Variants in PKHD1L1 observed in about 807,000 individuals in gnomAD.
PKHD1L1 encodes fibrocystin-L.
Under a neutral mutation model 462.9 loss-of-function variants are expected in PKHD1L1, and 434 were observed. The ratio of observed to expected loss-of-function variants is 0.94; its 90% CI spans 0.87 to 1.02. PKHD1L1 has a LOEUF of 1.02. Among genes scored for constraint, PKHD1L1 ranks in the 50% least tolerant of loss-of-function variants. The pLI is 0.00. For synonymous variants in PKHD1L1, 1,781 were observed against 1,750.0 expected, an observed-to-expected ratio of 1.02 and a Z score of -0.44; for missense variants, 5,202 against 5,096.1, an observed-to-expected ratio of 1.02 and a Z score of -0.63.
intron 50 of PKHD1L1, among the ~76,000 whole-genome samples, chr8:109,468,852 G>A (rs944922879): frequency 1.3e-5 from 2 of 152,158 alleles, no homozygotes; most frequent in African/African-American, 4.8e-5. Flanking sequence ...CAGTGGTGGG[G>A]CTTTTGGTCT....
At chr8:109,511,354 C>T (rs1360288403) in intron 71 of PKHD1L1, among the ~76,000 whole-genome samples, 1 of 117,478 alleles carries the variant, frequency 8.5e-6, no homozygotes, top group Non-Finnish European at 1.7e-5. Flanking sequence ...CTCCCCCCAC[C>T]CCACAACAGT....
At chr8:109,491,691 G>C (rs1259466436) in intron 61 of PKHD1L1, among the ~76,000 whole-genome samples, 182 bp from the exon 62 acceptor site, 2 of 151,846 alleles carry the variant, frequency 1.3e-5, no homozygotes, top group African/African-American at 4.8e-5. Context: ...GTCTATTAAA[G>C]AGGTAGAGTT....
At position 109,443,763 on chromosome 8, in the gene PKHD1L1, A is replaced by G. The variant is rs371364337; in HGVS notation, c.4652A>G (p.Lys1551Arg). Residue 1551 changes from lysine to arginine, a missense_variant, in exon 37 of 78, where the codon AAA becomes AGA. This residue lies in a region of PKHD1L1 where 4,497 missense variants were observed against 4,336.8 expected (regional missense o/e 1.04). Transcript: ENST00000378402. ...PLCSLNNTRVKNSKRLLFEVS... is the reference protein window; with the variant it reads ...PLCSLNNTRVRNSKRLLFEVS... ...TGCAGCCTGAACAATACCAGGGTTAAAAATTCAAAAAGATTGCTATTTGAG... is the reference window on the plus strand; with the variant it reads ...TGCAGCCTGAACAATACCAGGGTTAGAAATTCAAAAAGATTGCTATTTGAG... 6.2e-6 allele frequency: 10 copies of G among 1,613,766 alleles called. No homozygotes were observed. Among genetic ancestry groups the G allele is most frequent in the Non-Finnish European group, 8.5e-6 (10 of 1,179,808 alleles).
intron 73 of PKHD1L1, among the ~76,000 whole-genome samples, chr8:109,518,844 G>A (rs967398072): frequency 6.6e-6 from 1 of 152,134 alleles, no homozygotes; most frequent in African/African-American, 2.4e-5. Flanking sequence ...TGAAAAGACA[G>A]AGGAAAAAGA....
In PKHD1L1 at chr8:109,464,897, C is replaced by T. The variant is rs375231959; in HGVS notation, c.8065C>T (p.Leu2689=). ...YEAGIETKRI[L]APYVGGWGET... ...GGCTGGAATTGAGACTAAGAGGATC[C>T]TGGCTCCTTATGTTGGAGGGTGGGG... Residue 2689 remains leucine, a synonymous_variant, in exon 49 of 78, where the codon CTG becomes TTG. Transcript: ENST00000378402. 1.2e-5 allele frequency: 19 copies of T among 1,613,626 alleles called. No homozygotes were observed. The highest frequency in any genetic ancestry group is 1.6e-5 in the Non-Finnish European group (19 of 1,179,790).
At chr8:109,392,132 A>G (rs975178892) in intron 9 of PKHD1L1, among the ~76,000 whole-genome samples, 2 of 152,224 alleles carry the variant, frequency 1.3e-5, no homozygotes, top group African/African-American at 4.8e-5. Flanking sequence ...ACGTATTAGA[A>G]AACCATGTTA....
chr8:109,395,952 G>C (rs1021990139), intron 10 of PKHD1L1, 75 bp from the exon 11 acceptor site: 7 of 1,039,760 alleles, frequency 6.7e-6, no homozygotes, highest in Non-Finnish European at 8.7e-6. Flanking sequence ...AGGTAATTTG[G>C]AATTTTTAAA....
At chr8:109,475,323 T>C in intron 51 of PKHD1L1, 54 bp downstream of exon 51, 1 of 1,302,410 alleles carries the variant, frequency 7.7e-7, no homozygotes, top group South Asian at 1.6e-5. Flanking sequence ...AAACACAGCC[T>C]ACATCCTCAT....
intron 55 of PKHD1L1, chr8:109,480,577 TAC>T (rs1818227126): frequency 2.2e-6 from 1 of 455,350 alleles, no homozygotes; most frequent in Admixed American, 2.4e-5. Flanking sequence ...ATCAAAATGT[TAC>T]AGTTATTCGG....
chr8:109,378,306 G>A (rs1811940496), intron 2 of PKHD1L1, among the ~76,000 whole-genome samples: 1 of 152,120 alleles, frequency 6.6e-6, no homozygotes, highest in Admixed American at 6.6e-5. Flanking sequence ...CTTAGACAGT[G>A]TGAGTCACAT....
At position 109,522,463 on chromosome 8, in the gene PKHD1L1, G is replaced by A. The variant is rs980626570; in HGVS notation, c.12183+126G>A. 3.5e-5 allele frequency: 41 copies of A among 1,167,860 alleles called. No homozygotes were observed. In the East Asian group the frequency reaches 1.1e-3, roughly 32 times the overall value. 72.3% of individuals were successfully genotyped at this position (1,167,860 alleles called of 1,614,324 possible). ...AGCAGGCATGTCTTTCTTATTTATT[G>A]TTGACTTTTTATAGGCTCGCTAAAA... On this transcript the variant is annotated intron_variant, in intron 74 of 77. Coordinates refer to ENST00000378402, the MANE Select transcript of PKHD1L1 (RefSeq NM_177531.6).
At chr8:109,434,489 G>A (rs1216926829) in intron 28 of PKHD1L1, among the ~76,000 whole-genome samples, 1 of 151,496 alleles carries the variant, frequency 6.6e-6, no homozygotes, top group African/African-American at 2.4e-5. Flanking sequence ...GTTTTTTTGA[G>A]ATGGAGTCTC....
In PKHD1L1 at chr8:109,435,218, T is replaced by A. The variant is rs750713794; in HGVS notation, c.3369T>A (p.Asn1123Lys). 8.1e-6 allele frequency: 13 copies of A among 1,613,630 alleles called. No homozygotes were observed. The African/African-American group carries it at 1.6e-4, about 20-fold the overall frequency. The change falls in exon 29 of 78, where the codon AAT becomes AAA. Residue 1123 changes from asparagine to lysine, a missense_variant. Around this residue, in one of 3 missense-constraint regions of PKHD1L1, gnomAD observed 4,497 missense variants for 4,336.8 expected, o/e 1.04. Transcript: ENST00000378402. ...DEKELKCQIL[N>K]GSAGHAPVAV... Reference sequence around the variant, plus strand: ...AAGAGCTCAAGTGCCAGATTCTGAATGGAAGTGCTGGACATGCCCCCGTTG... The same window carrying A: ...AAGAGCTCAAGTGCCAGATTCTGAAAGGAAGTGCTGGACATGCCCCCGTTG...
At chr8:109,408,505 T>G (rs1271394906) in intron 18 of PKHD1L1, among the ~76,000 whole-genome samples, 1 of 152,194 alleles carries the variant, frequency 6.6e-6, no homozygotes, top group Non-Finnish European at 1.5e-5. Flanking sequence ...GGAGTTGTTC[T>G]TCACTCAACA....
rs1563544677 is a variant in PKHD1L1 at position 109,440,706 on chromosome 8, T to C, written c.3957-4T>C. On this transcript the variant is annotated splice_region_variant and splice_polypyrimidine_tract_variant and intron_variant, in intron 32 of 77. Transcript: ENST00000378402. ...TTGAAAAATCTATTCATTTTTTTTC[T>C]CAGAGACAAATTAAATTCTTCAATA... The C allele has an allele frequency of 1.9e-6, 3 of 1,605,900 alleles. No homozygotes were observed. The highest frequency in any genetic ancestry group is 2.6e-6 in the Non-Finnish European group (3 of 1,175,048).
In PKHD1L1 at chr8:109,481,581, C is replaced by A; in HGVS notation, c.9457+19C>A. ...GTCTTAGGTGTGTGTCTACAGATAC[C>A]AAAAGTGTCACATCTGTTTTAAGAA... is the stretch of plus-strand genomic sequence containing the variant. On this transcript the variant is annotated intron_variant, in intron 56 of 77. Coordinates refer to ENST00000378402, the MANE Select transcript of PKHD1L1 (RefSeq NM_177531.6). The A allele has an allele frequency of 1.3e-6, 2 of 1,533,600 alleles. No homozygotes were observed. The highest frequency in any genetic ancestry group is 2.4e-5 in the East Asian group (1 of 42,388). 95.0% of individuals were successfully genotyped at this position (1,533,600 alleles called of 1,614,324 possible).
intron 19 of PKHD1L1, among the ~76,000 whole-genome samples, chr8:109,411,920 G>T (rs1409322196): frequency 6.6e-6 from 1 of 152,046 alleles, no homozygotes; most frequent in Non-Finnish European, 1.5e-5. Context: ...TTCACCACTT[G>T]AATCCTGAAG....
Position 109,429,917 on chromosome 8 carries a change from T to A in PKHD1L1, c.3124-15T>A. On this transcript the variant is annotated splice_polypyrimidine_tract_variant and intron_variant, in intron 26 of 77. Coordinates refer to ENST00000378402, the MANE Select transcript of PKHD1L1 (RefSeq NM_177531.6). ...TTTGCCCATGTTCTGTAGCTTCTTG[T>A]TTCTTTACTTGAAGGTTGAAGTCTA... 1 of 1,578,632 alleles carries A rather than the reference T, an allele frequency of 6.3e-7. No individual in the cohort carries two copies. The highest frequency in any genetic ancestry group is 8.7e-7 in the Non-Finnish European group (1 of 1,149,450).
chr8:109,398,553 G>A lies in PKHD1L1; in HGVS notation c.1012+5G>A, dbSNP rs532523122. 2 of 1,483,052 alleles carry A rather than the reference G, an allele frequency of 1.3e-6. No homozygotes were observed. Among genetic ancestry groups the A allele is most frequent in the African/African-American group, 1.4e-5 (1 of 71,810 alleles). 91.9% of individuals were successfully genotyped at this position (1,483,052 alleles called of 1,614,324 possible). A position where few individuals can be genotyped will look rare whatever the true frequency, so the allele number is the denominator to read the frequency against. ...TTCTCAAAACTGTATATCCAGGTAA[G>A]TTACCATAAGGGACAATGGCCATTT... On this transcript the variant is annotated splice_donor_5th_base_variant and intron_variant, in intron 12 of 77. Coordinates refer to ENST00000378402, the MANE Select transcript of PKHD1L1 (RefSeq NM_177531.6).
Sources: gnomAD v4.1 joint callset for allele counts (sites outside exome capture counted in the v4.1 genomes callset) on GRCh38, gnomAD v4.1.1 for gene constraint, gnomAD v4.1.1 regional missense constraint, MANE v1.5 for transcripts, NCBI Gene and HGNC (gene_info 2026-07-23, HGNC 2026-07-21) for gene names.